HOMER2: variants seen among roughly 807,000 people sequenced by gnomAD.
HOMER2 encodes homer protein homolog 2.
Under a neutral mutation model 47.0 loss-of-function variants are expected in HOMER2, and 27 were observed. The ratio of observed to expected loss-of-function variants is 0.57; its 90% CI spans 0.42 to 0.79. The LOEUF is 0.79. Ranked by LOEUF, HOMER2 falls within the 30% of genes least tolerant of loss-of-function variation. HOMER2 has a pLI of 0.00. For synonymous variants in HOMER2, 161 were observed against 163.8 expected, an observed-to-expected ratio of 0.98 and a Z score of 0.13; for missense variants, 443 against 435.0, an observed-to-expected ratio of 1.02 and a Z score of -0.16.
At chr15:82,872,565 A>C (rs2052212704) in intron 3 of HOMER2, among the ~76,000 whole-genome samples, 1 of 152,212 alleles carries the variant, frequency 6.6e-6, no homozygotes, top group African/African-American at 2.4e-5. Context: ...AAAGTCCAGA[A>C]GCTCTGGCAT....
chr15:82,977,167 A>G (rs1044337836), intron 1 of HOMER2, among the ~76,000 whole-genome samples: 9 of 151,558 alleles, frequency 5.9e-5, no homozygotes, highest in Non-Finnish European at 1.0e-4. Context: ...CAAAATGCTG[A>G]AAAAAAAAGT....
intron 1 of HOMER2, among the ~76,000 whole-genome samples, chr15:82,965,095 C>T (rs1412206998): frequency 6.6e-6 from 1 of 152,124 alleles, no homozygotes; most frequent in Non-Finnish European, 1.5e-5. Context: ...TCCTAGCTCA[C>T]CGCAGTCCTG....
At chr15:82,835,498 C>A (rs1036569363), downstream of HOMER2, 9 of 152,410 alleles carry the variant, frequency 5.9e-5, no homozygotes, top group African/African-American at 2.2e-4. Context: ...GGCGTGAGTC[C>A]CTTTCAGCAG....
chr15:82,859,101 G>C lies in HOMER2; in HGVS notation c.422C>G (p.Ala141Gly). ...SSVNGTDDEK[A>G]SHAGPANTHL... ...TGTGTTGGCTGGACCGGCGTGAGAG[G>C]CCTTTTCATCGTCCGTCCCGTTGAC... Residue 141 changes from alanine (A) to glycine (G), a missense_variant, in exon 5 of 9, where the codon GCC becomes GGC. Coordinates refer to ENST00000450735, the MANE Select transcript of HOMER2 (RefSeq NM_004839.4). The C allele has an allele frequency of 6.2e-7, 1 of 1,613,972 alleles. No homozygotes were observed. The highest frequency in any genetic ancestry group is 8.5e-7 in the Non-Finnish European group (1 of 1,179,838).
downstream of HOMER2, chr15:82,845,218 T>TCTCACACA (rs1555416802): frequency 6.9e-6 from 1 of 145,924 alleles, no homozygotes; most frequent in Non-Finnish European, 1.5e-5. Context: ...TGCTGTTTCT[T>TCTCACACA]CACACACACA....
chr15:82,895,107 C>T (rs1391023735), intron 1 of HOMER2, among the ~76,000 whole-genome samples: 1 of 152,178 alleles, frequency 6.6e-6, no homozygotes. Flanking sequence ...ATTAATGCTG[C>T]TTCAATGCAG....
chr15:82,902,113 C>T (rs1404010120), intron 1 of HOMER2, among the ~76,000 whole-genome samples: 1 of 151,842 alleles, frequency 6.6e-6, no homozygotes, highest in Non-Finnish European at 1.5e-5. Context: ...CTGAATCTAT[C>T]ATGAACAAAG....
chr15:82,927,250 G>A (rs570394794), intron 1 of HOMER2, among the ~76,000 whole-genome samples: 1 of 148,192 alleles, frequency 6.7e-6, no homozygotes, highest in South Asian at 2.1e-4. Context: ...CTTATTTGTT[G>A]TTTTCATTTA....
At chr15:82,844,407 A>G (rs549368933), downstream of HOMER2, 3 of 152,354 alleles carry the variant, frequency 2.0e-5, no homozygotes, top group Admixed American at 6.5e-5. Flanking sequence ...TACAACCTAC[A>G]TAGAGGTTAA....
chr15:82,866,315 A>T (rs568676951), intron 3 of HOMER2, among the ~76,000 whole-genome samples: 4 of 152,344 alleles, frequency 2.6e-5, no homozygotes, highest in Admixed American at 2.6e-4. Context: ...TGTTTTGGTC[A>T]ATTTCTCCCA....
At chr15:82,923,024 G>T (rs2053771369) in intron 1 of HOMER2, among the ~76,000 whole-genome samples, 1 of 152,088 alleles carries the variant, frequency 6.6e-6, no homozygotes, top group African/African-American at 2.4e-5. Context: ...CACCAGACTG[G>T]GTTCTCTCCC....
chr15:82,922,852 C>T (rs2053765121), intron 1 of HOMER2, among the ~76,000 whole-genome samples: 1 of 152,200 alleles, frequency 6.6e-6, no homozygotes, highest in Non-Finnish European at 1.5e-5. Flanking sequence ...TGTCCCTGCT[C>T]ACCCCATACC....
At chr15:82,865,195 G>C (rs1303218787) in intron 3 of HOMER2, among the ~76,000 whole-genome samples, 1 of 152,190 alleles carries the variant, frequency 6.6e-6, no homozygotes, top group East Asian at 1.9e-4. Context: ...GCCACAGCTG[G>C]GGAGGCTTCA....
intron 6 of HOMER2, among the ~76,000 whole-genome samples, chr15:82,853,735 T>C (rs192842809): frequency 3.4e-4 from 52 of 152,038 alleles, no homozygotes; most frequent in Admixed American, 2.9e-3. Context: ...TGAACTAGAG[T>C]GTGACTAATG....
At chr15:82,945,530 A>T (rs1414460791) in intron 1 of HOMER2, among the ~76,000 whole-genome samples, 2 of 152,190 alleles carry the variant, frequency 1.3e-5, no homozygotes, top group Non-Finnish European at 2.9e-5. Flanking sequence ...TGAAATGCTG[A>T]TGGAGGTTAT....
At chr15:82,858,814 T>A (rs1050191687) in intron 5 of HOMER2, among the ~76,000 whole-genome samples, 7 of 151,968 alleles carry the variant, frequency 4.6e-5, no homozygotes, top group African/African-American at 1.7e-4. Flanking sequence ...ACACACTCTC[T>A]ATTTCCCACA....
chr15:82,855,321 T>C (rs1418679113), intron 5 of HOMER2, among the ~76,000 whole-genome samples: 1 of 41,118 alleles, frequency 2.4e-5, no homozygotes, highest in Non-Finnish European at 4.2e-5. Context: ...CGAGACTCCA[T>C]CTCCAAAAAA....
At chr15:82,864,456 A>G (rs963075532) in intron 3 of HOMER2, among the ~76,000 whole-genome samples, 197 bp from the exon 4 acceptor site, 2 of 152,234 alleles carry the variant, frequency 1.3e-5, no homozygotes, top group Admixed American at 6.5e-5. Flanking sequence ...TTCTGAACCC[A>G]TATCTAAGCT....
At chr15:82,850,652 G>A (rs1009932182) in intron 8 of HOMER2, among the ~76,000 whole-genome samples, 2 of 152,220 alleles carry the variant, frequency 1.3e-5, no homozygotes, top group Non-Finnish European at 2.9e-5. Context: ...CCAGGGTCAT[G>A]TAACTACATG....
Sources: gnomAD v4.1 joint callset for allele counts (sites outside exome capture counted in the v4.1 genomes callset) on GRCh38, gnomAD v4.1.1 for gene constraint, MANE v1.5 for transcripts, NCBI Gene and HGNC (gene_info 2026-07-23, HGNC 2026-07-21) for gene names.